Variants in TBCK observed in about 807,000 individuals in gnomAD.
The protein encoded by TBCK is TBC1 domain containing kinase.
In TBCK, 99 loss-of-function variants were observed where a neutral mutation model predicts 113.4. That is an observed-to-expected ratio of 0.87 (90% CI 0.74 to 1.03). The LOEUF (loss-of-function observed/expected upper bound fraction) is 1.03. Among genes scored for constraint, TBCK ranks in the 50% least tolerant of loss-of-function variants. TBCK has a pLI of 0.00. For missense variants in TBCK, 1,045 were observed against 1,061.3 expected (o/e 0.98, Z 0.21); for synonymous variants, 369 against 370.8 (o/e 1.00, Z 0.05).
At chr4:106,285,086 G>A (rs1241617720) in intron 3 of TBCK, among the ~76,000 whole-genome samples, 1 of 152,062 alleles carries the variant, frequency 6.6e-6, no homozygotes, top group African/African-American at 2.4e-5. Flanking sequence ...TGGCAAGATT[G>A]AACTATGGCA....
At chr4:106,292,036 C>A (rs931940108) in intron 3 of TBCK, among the ~76,000 whole-genome samples, 1 of 152,118 alleles carries the variant, frequency 6.6e-6, no homozygotes, top group Non-Finnish European at 1.5e-5. Flanking sequence ...CAGAACTATT[C>A]AAGTCTTTGA....
chr4:106,253,746 T>C (rs1560915135), intron 5 of TBCK, among the ~76,000 whole-genome samples: 4 of 152,234 alleles, frequency 2.6e-5, no homozygotes, highest in Non-Finnish European at 4.4e-5. Context: ...GGTTTATTAT[T>C]GTGTGATATG....
rs898150735 is a variant in TBCK at position 106,158,121 on chromosome 4, T to C, written c.2235+12974A>G. Among the ~76,000 whole-genome samples, 11 of 152,280 alleles carry C rather than the reference T, an allele frequency of 7.2e-5. No individual in the cohort carries two copies. The South Asian group carries it at 2.1e-3, about 29-fold the overall frequency. On this transcript the variant is annotated intron_variant, in intron 23 of 25. Transcript: ENST00000394708. ...TTACATTGGGACTTTTAGACCATGT[T>C]AGAAGTTTGAATTTTATTGTCAGTA...
At chr4:106,122,614 C>A (rs1244776946) in intron 23 of TBCK, among the ~76,000 whole-genome samples, 1 of 152,120 alleles carries the variant, frequency 6.6e-6, no homozygotes, top group Non-Finnish European at 1.5e-5. Context: ...AACATTGATG[C>A]AAAAATCCTC....
rs58543787 is a variant in TBCK, at chr4:106,054,948, C to A, written c.2572-8268G>T. ...AAATGATATCTTAGGTAAAAGACAT[C>A]TACACAAAAATATATTTATACAATA... On this transcript the variant is annotated intron_variant, in intron 25 of 25. Transcript: ENST00000394708. 5.7e-3 allele frequency among the ~76,000 whole-genome samples: 860 copies of A among 151,694 alleles called. 9 individuals carry two copies. Among genetic ancestry groups the A allele is most frequent in the African/African-American group, 0.02 (831 of 41,452 alleles).
chr4:106,103,149 ATCTT>A (rs1349207606), intron 24 of TBCK, among the ~76,000 whole-genome samples: 5 of 152,202 alleles, frequency 3.3e-5, no homozygotes, highest in East Asian at 1.9e-4. Context: ...ATAGGGAAGG[ATCTT>A]TCTATCATGT....
chr4:106,133,981 G>A (rs1746261536), intron 23 of TBCK, among the ~76,000 whole-genome samples: 1 of 151,962 alleles, frequency 6.6e-6, no homozygotes, highest in Admixed American at 6.6e-5. Context: ...CTGCACTCCA[G>A]CCTGGGCAAC....
intron 24 of TBCK, among the ~76,000 whole-genome samples, chr4:106,104,917 G>A (rs1036277337): frequency 1.3e-5 from 2 of 152,180 alleles, no homozygotes; most frequent in Admixed American, 1.3e-4. Context: ...CAGAAAAGTG[G>A]GCAGACTATT....
chr4:106,076,076 A>C (rs1325980913), intron 25 of TBCK, among the ~76,000 whole-genome samples: 1 of 152,186 alleles, frequency 6.6e-6, no homozygotes, highest in Admixed American at 6.5e-5. Flanking sequence ...TAAGTTTTCT[A>C]ATGTGTAAGA....
intron 25 of TBCK, among the ~76,000 whole-genome samples, chr4:106,058,610 G>T (rs1207855929): frequency 6.6e-6 from 1 of 151,708 alleles, no homozygotes; most frequent in East Asian, 1.9e-4. Context: ...ATAAGGAACT[G>T]CAAGTAGGTA....
chr4:106,125,650 A>G (rs1161785108), intron 23 of TBCK, among the ~76,000 whole-genome samples: 1 of 152,184 alleles, frequency 6.6e-6, no homozygotes, highest in Non-Finnish European at 1.5e-5. Context: ...TGGAAACTAA[A>G]TAAGTTGATC....
At chr4:106,117,864 C>A (rs1413116797) in intron 23 of TBCK, among the ~76,000 whole-genome samples, 1 of 151,990 alleles carries the variant, frequency 6.6e-6, no homozygotes, top group Non-Finnish European at 1.5e-5. Context: ...AAAAAATTAG[C>A]CGGGCGTGGC....
chr4:106,062,888 CAT>C (rs1736204608), intron 25 of TBCK, among the ~76,000 whole-genome samples: 1 of 151,852 alleles, frequency 6.6e-6, no homozygotes, highest in South Asian at 2.1e-4. Context: ...TTCTAGTAAA[CAT>C]GTTAAAAAAC....
chr4:106,275,432 T>C (rs1335980754), intron 3 of TBCK, among the ~76,000 whole-genome samples: 2 of 152,066 alleles, frequency 1.3e-5, no homozygotes, highest in Admixed American at 6.5e-5. Flanking sequence ...TCTAGTGAAA[T>C]AGGTCAAGAA....
At chr4:106,245,015 C>G (rs373142297) in intron 10 of TBCK, among the ~76,000 whole-genome samples, 8 of 152,038 alleles carry the variant, frequency 5.3e-5, no homozygotes, top group African/African-American at 1.9e-4. Context: ...CTTCTGTCCC[C>G]AGGACTGGAG....
intron 23 of TBCK, among the ~76,000 whole-genome samples, chr4:106,143,857 T>G (rs1458760051): frequency 6.7e-6 from 1 of 148,652 alleles, no homozygotes; most frequent in African/African-American, 2.5e-5. Context: ...GAGGTTGCAG[T>G]GAGCCGAGAC....
chr4:106,072,980 T>G (rs1020167111), intron 25 of TBCK, among the ~76,000 whole-genome samples: 6 of 152,212 alleles, frequency 3.9e-5, no homozygotes, highest in African/African-American at 1.4e-4. Flanking sequence ...CACTGTTTAT[T>G]CTAGTTAGCC....
intron 23 of TBCK, among the ~76,000 whole-genome samples, chr4:106,125,052 C>T (rs946512988): frequency 2.0e-5 from 3 of 150,288 alleles, no homozygotes; most frequent in Non-Finnish European, 1.5e-5. Flanking sequence ...TTAAAATTGC[C>T]GTTATCAAAA....
intron 25 of TBCK, among the ~76,000 whole-genome samples, chr4:106,083,961 G>T (rs1009640454): frequency 6.6e-6 from 1 of 152,084 alleles, no homozygotes; most frequent in African/African-American, 2.4e-5. Flanking sequence ...ACCAAAACTA[G>T]ACAAACTCAT....
Sources: gnomAD v4.1 joint callset for allele counts (sites outside exome capture counted in the v4.1 genomes callset) on GRCh38, gnomAD v4.1.1 for gene constraint, MANE v1.5 for transcripts, NCBI Gene and HGNC (gene_info 2026-07-23, HGNC 2026-07-21) for gene names.